RARB: variants seen among roughly 807,000 people sequenced by gnomAD.
The protein encoded by RARB is HBV-activated protein.
In RARB, 17 loss-of-function variants were observed where a neutral mutation model predicts 51.9. The ratio of observed to expected loss-of-function variants is 0.33; its 90% CI spans 0.22 to 0.49. The LOEUF is 0.49. Among genes scored for constraint, RARB ranks in the 20% least tolerant of loss-of-function variants. The pLI, the probability that RARB is intolerant of heterozygous loss-of-function variation, is 0.99. For synonymous variants in RARB, 215 were observed against 195.4 expected (o/e 1.10, Z -0.84); for missense variants, 369 against 550.8 (o/e 0.67, Z 3.30).
intron 2 of RARB, among the ~76,000 whole-genome samples, chr3:24,869,852 C>A (rs1043813420): frequency 6.6e-6 from 1 of 151,992 alleles, no homozygotes; most frequent in African/African-American, 2.4e-5. Context: ...TATTTGTGTG[C>A]AAGCTGAAAC....
At chr3:25,250,047 G>A (rs1702672741) in intron 5 of RARB, among the ~76,000 whole-genome samples, 1 of 152,134 alleles carries the variant, frequency 6.6e-6, no homozygotes, top group Non-Finnish European at 1.5e-5. Flanking sequence ...AGTAGCAGTG[G>A]TAGGACAACC....
At chr3:25,353,230 AG>A (rs1415287821) in intron 5 of RARB, among the ~76,000 whole-genome samples, 1 of 152,188 alleles carries the variant, frequency 6.6e-6, no homozygotes, top group Non-Finnish European at 1.5e-5. Context: ...AGTTGATGGC[AG>A]GAGGCAAGAA....
chr3:24,991,894 C>A (rs1232975205), intron 2 of RARB, among the ~76,000 whole-genome samples: 1 of 152,066 alleles, frequency 6.6e-6, no homozygotes, highest in African/African-American at 2.4e-5. Context: ...CCCCCTGCCC[C>A]CAGCATGAGG....
At chr3:25,525,122 A>T (rs1559450734) in intron 3 of RARB, among the ~76,000 whole-genome samples, 2 of 152,220 alleles carry the variant, frequency 1.3e-5, no homozygotes. Flanking sequence ...ACCTCATAAC[A>T]TTATAAAGTG....
At chr3:24,905,082 C>A (rs1365700428) in intron 2 of RARB, among the ~76,000 whole-genome samples, 1 of 152,232 alleles carries the variant, frequency 6.6e-6, no homozygotes, top group African/African-American at 2.4e-5. Flanking sequence ...ACATGTATAC[C>A]TATGTAACAA....
At chr3:24,962,418 G>A (rs1696161165) in intron 2 of RARB, among the ~76,000 whole-genome samples, 1 of 152,086 alleles carries the variant, frequency 6.6e-6, no homozygotes, top group African/African-American at 2.4e-5. Context: ...AATCAGATAT[G>A]TCTCAAGGCA....
intron 3 of RARB, among the ~76,000 whole-genome samples, chr3:25,516,631 C>CTTTTTTTTTCTTTTTTT (rs1698175598): frequency 7.6e-6 from 1 of 131,728 alleles, no homozygotes; most frequent in African/African-American, 3.3e-5. Flanking sequence ...ATTTCCTTGT[C>CTTTTTTTTTCTTTTTTT]TTTTTTTTTT....
intron 3 of RARB, among the ~76,000 whole-genome samples, chr3:25,549,318 G>A (rs1253972934): frequency 6.6e-6 from 1 of 152,130 alleles, no homozygotes; most frequent in African/African-American, 2.4e-5. Context: ...ACCTGGCAGA[G>A]TGAGAAATTC....
At chr3:24,873,349 T>C (rs975566459) in intron 2 of RARB, among the ~76,000 whole-genome samples, 1 of 152,216 alleles carries the variant, frequency 6.6e-6, no homozygotes, top group African/African-American at 2.4e-5. Context: ...TAGGCCCATT[T>C]AGGAATTTCA....
chr3:24,923,485 C>T (rs1341045597), intron 2 of RARB, among the ~76,000 whole-genome samples: 2 of 152,040 alleles, frequency 1.3e-5, no homozygotes, highest in Non-Finnish European at 2.9e-5. Flanking sequence ...TATATAGGCA[C>T]TCTTCTTTCT....
intron 2 of RARB, among the ~76,000 whole-genome samples, chr3:25,047,305 GAA>G (rs911515739): frequency 6.6e-6 from 1 of 152,100 alleles, no homozygotes; most frequent in Non-Finnish European, 1.5e-5. Context: ...AAAAGAAAGA[GAA>G]AAAAACCCTT....
intron 2 of RARB, among the ~76,000 whole-genome samples, chr3:24,880,722 A>G (rs1398089711): frequency 6.6e-6 from 1 of 152,192 alleles, no homozygotes; most frequent in African/African-American, 2.4e-5. Flanking sequence ...AGCAGATATG[A>G]AAATCCAAGG....
chr3:25,270,277 G>T (rs1008324835), intron 5 of RARB, among the ~76,000 whole-genome samples: 1 of 152,086 alleles, frequency 6.6e-6, no homozygotes. Flanking sequence ...CGGTCTGTAT[G>T]TACAACAGAA....
intron 2 of RARB, among the ~76,000 whole-genome samples, chr3:24,934,329 T>A (rs184927894): frequency 5.0e-4 from 76 of 152,294 alleles, no homozygotes; most frequent in African/African-American, 1.7e-3. Flanking sequence ...CATCTCAGGC[T>A]GAATCAGAGT....
chr3:25,501,846 A>G (rs1464321505), intron 3 of RARB, among the ~76,000 whole-genome samples: 2 of 152,218 alleles, frequency 1.3e-5, no homozygotes, highest in African/African-American at 4.8e-5. Context: ...TCTTTTCCAA[A>G]CAATAATGCA....
intron 2 of RARB, among the ~76,000 whole-genome samples, chr3:24,861,531 G>T (rs1006297304): frequency 6.8e-6 from 1 of 148,130 alleles, no homozygotes; most frequent in African/African-American, 2.5e-5. Context: ...TAGGAACTAA[G>T]AGAATGATTT....
intron 2 of RARB, among the ~76,000 whole-genome samples, chr3:24,919,856 C>T (rs1695183042): frequency 6.6e-6 from 1 of 152,150 alleles, no homozygotes; most frequent in Admixed American, 6.5e-5. Context: ...TTCCAGGGTG[C>T]TGCTGAACTC....
intron 5 of RARB, among the ~76,000 whole-genome samples, chr3:25,190,582 C>G (rs1190053496): frequency 6.6e-6 from 1 of 152,008 alleles, no homozygotes; most frequent in Non-Finnish European, 1.5e-5. Context: ...ATTTATTTAA[C>G]AGGCAAATGA....
At chr3:25,153,293 T>C (rs1358551982) in intron 4 of RARB, among the ~76,000 whole-genome samples, 1 of 152,182 alleles carries the variant, frequency 6.6e-6, no homozygotes, top group East Asian at 1.9e-4. Flanking sequence ...GTGCACGTCA[T>C]CCGCAGACTT....
Sources: allele counts gnomAD v4.1 joint callset (sites outside exome capture counted in the v4.1 genomes callset), GRCh38; gene constraint gnomAD v4.1.1; transcripts MANE v1.5; gene names NCBI Gene and HGNC (gene_info 2026-07-23, HGNC 2026-07-21).